Variants in PRDM16 observed in about 807,000 individuals in gnomAD.
PRDM16 encodes PR/SET domain 16.
In PRDM16, 23 loss-of-function variants were observed where a neutral mutation model predicts 110.6. That is an observed-to-expected ratio of 0.21 (90% CI 0.15 to 0.29). PRDM16 has a LOEUF of 0.29. Among genes scored for constraint, PRDM16 ranks in the 10% least tolerant of loss-of-function variants. The pLI, the probability that PRDM16 is intolerant of heterozygous loss-of-function variation, is 1.00. For synonymous variants in PRDM16, 799 were observed against 781.8 expected (o/e 1.02, Z -0.37); for missense variants, 1,615 against 1,794.3 (o/e 0.90, Z 1.81).
At chr1:3,216,931 G>A (rs550003577) in intron 2 of PRDM16, among the ~76,000 whole-genome samples, 27 of 152,324 alleles carry the variant, frequency 1.8e-4, no homozygotes, top group Non-Finnish European at 2.2e-4. Context: ...GGCCACCACT[G>A]TCTCTGACAG....
chr1:3,091,106 G>T (rs1570234823), intron 1 of PRDM16, among the ~76,000 whole-genome samples: 1 of 152,344 alleles, frequency 6.6e-6, no homozygotes, highest in East Asian at 1.9e-4. Context: ...AAGGCGCCAT[G>T]AAGAGACACA....
chr1:3,171,935 G>A (rs1012090228), intron 1 of PRDM16, among the ~76,000 whole-genome samples: 1 of 152,122 alleles, frequency 6.6e-6, no homozygotes, highest in Non-Finnish European at 1.5e-5. Context: ...CAAGCCCCCC[G>A]GCCTCCGCGC....
Position 3,438,002 on chromosome 1 carries a change from ATT to A in PRDM16, c.*4192_*4193del. 1 of 218,004 alleles carries A rather than the reference ATT, an allele frequency of 4.6e-6. No individual in the cohort carries two copies. The highest frequency in any genetic ancestry group is 9.2e-6 in the Non-Finnish European group (1 of 108,376). The allele number at this position is 218,004 out of a possible 1,614,324, so 13.5% of individuals were successfully genotyped here. A position where few individuals can be genotyped will look rare whatever the true frequency, so the allele number is the denominator to read the frequency against. ...CCTGTGCCGCCCGCCACCTTCTGCCATTGTTACATTACAGATTTGGTTTAGTT... is the reference window on the plus strand; with the variant it reads ...CCTGTGCCGCCCGCCACCTTCTGCCAGTTACATTACAGATTTGGTTTAGTT... On this transcript the variant is annotated 3_prime_UTR_variant, in exon 17 of 17. Coordinates refer to ENST00000270722, the MANE Select transcript of PRDM16 (RefSeq NM_022114.4).
At chr1:3,211,645 TG>T (rs1184570439) in intron 2 of PRDM16, among the ~76,000 whole-genome samples, 3 of 152,186 alleles carry the variant, frequency 2.0e-5, no homozygotes, top group African/African-American at 4.8e-5. Context: ...GCCGCAGCAG[TG>T]GGGGCCGGCG....
intron 3 of PRDM16, among the ~76,000 whole-genome samples, chr1:3,361,120 T>C (rs1323866087): frequency 6.6e-6 from 1 of 152,188 alleles, no homozygotes; most frequent in Non-Finnish European, 1.5e-5. Flanking sequence ...GCAGCATTCC[T>C]CGCCTCACAT....
Position 3,392,808 on chromosome 1 carries a change from C to T in PRDM16, c.574-3683C>T, listed in dbSNP as rs187029568. ...ACTCTAGGCTCTTCTCGGGCAATTTCTCTGCCTTCTGTTGAGAACGTGGCC... is the reference window on the plus strand; with the variant it reads ...ACTCTAGGCTCTTCTCGGGCAATTTTTCTGCCTTCTGTTGAGAACGTGGCC... On this transcript the variant is annotated intron_variant, in intron 4 of 16. Transcript: ENST00000270722. Among the ~76,000 whole-genome samples the T allele has an allele frequency of 3.7e-3, 564 of 152,330 alleles. 5 individuals are homozygous for T. The highest frequency in any genetic ancestry group is 0.013 in the African/African-American group (530 of 41,566).
intron 1 of PRDM16, among the ~76,000 whole-genome samples, chr1:3,113,732 G>A (rs889650830): frequency 2.6e-5 from 4 of 152,334 alleles, no homozygotes; most frequent in South Asian, 2.1e-4. Context: ...AGACATGGCC[G>A]CGTGCCCCAG....
At chr1:3,090,603 G>A (rs1268864194) in intron 1 of PRDM16, among the ~76,000 whole-genome samples, 1 of 152,200 alleles carries the variant, frequency 6.6e-6, no homozygotes, top group Non-Finnish European at 1.5e-5. Flanking sequence ...GGGTGCCCAC[G>A]CCCGAGGGCT....
Position 3,433,930 on chromosome 1 carries a change from A to C in PRDM16, c.*119A>C. 1.0e-6 allele frequency: 1 copy of C among 1,001,070 alleles called. No individual in the cohort carries two copies. The highest frequency in any genetic ancestry group is 1.4e-6 in the Non-Finnish European group (1 of 691,778). The allele number at this position is 1,001,070 out of a possible 1,614,324, so 62.0% of individuals were successfully genotyped here. A position where few individuals can be genotyped will look rare whatever the true frequency, so the allele number is the denominator to read the frequency against. ...GTGGCCACTCCTCAGCATCCTCCCCACCCACCATGGTTCATTCCGACTTTT... is the reference window on the plus strand; with the variant it reads ...GTGGCCACTCCTCAGCATCCTCCCCCCCCACCATGGTTCATTCCGACTTTT... On this transcript the variant is annotated 3_prime_UTR_variant, in exon 17 of 17. Coordinates refer to ENST00000270722, the MANE Select transcript of PRDM16 (RefSeq NM_022114.4).
intron 3 of PRDM16, among the ~76,000 whole-genome samples, chr1:3,346,271 A>T (rs1250429217): frequency 1.3e-5 from 2 of 152,038 alleles, no homozygotes; most frequent in African/African-American, 4.8e-5. Context: ...CTTCCCCAGG[A>T]CGTCTTGGAG....
In PRDM16 at chr1:3,405,866, G is replaced by A. The variant is rs77862416; in HGVS notation, c.1186+218G>A. Among the ~76,000 whole-genome samples the A allele has an allele frequency of 0.04, 6,032 of 152,270 alleles. 154 individuals carry two copies. Among genetic ancestry groups the A allele is most frequent in the Middle Eastern group, 0.088 (26 of 294 alleles). ...CCTCACTGCTCCCCTTCCCCATCCC[G>A]TCCTCCTCCACGGCTCCCCTTGCTT... On this transcript the variant is annotated intron_variant, in intron 8 of 16. Transcript: ENST00000270722.
At chr1:3,100,868 G>A (rs898714435) in intron 1 of PRDM16, among the ~76,000 whole-genome samples, 1 of 152,160 alleles carries the variant, frequency 6.6e-6, no homozygotes, top group Non-Finnish European at 1.5e-5. Flanking sequence ...GGTGCCACAA[G>A]TACCCACGAC....
intron 1 of PRDM16, among the ~76,000 whole-genome samples, chr1:3,145,940 C>T (rs942352711): frequency 9.8e-5 from 15 of 152,328 alleles, no homozygotes; most frequent in African/African-American, 1.4e-4. Context: ...CGGCGCCCCC[C>T]GGGTCACAGA....
At chr1:3,198,522 G>C (rs1006270995) in intron 2 of PRDM16, among the ~76,000 whole-genome samples, 1 of 152,264 alleles carries the variant, frequency 6.6e-6, no homozygotes, top group African/African-American at 2.4e-5. Context: ...AGTGCTTGGC[G>C]TGGCACTGGG....
intron 3 of PRDM16, among the ~76,000 whole-genome samples, chr1:3,248,143 G>A (rs918748368): frequency 6.6e-6 from 1 of 152,246 alleles, no homozygotes; most frequent in Non-Finnish European, 1.5e-5. Flanking sequence ...CAATAGGATA[G>A]ACATTTGGCA....
intron 3 of PRDM16, among the ~76,000 whole-genome samples, chr1:3,258,244 C>T (rs931489554): frequency 4.6e-5 from 7 of 152,168 alleles, no homozygotes; most frequent in African/African-American, 1.7e-4. Context: ...TCTGAGGAGT[C>T]CCTTCTCAGG....
rs536604966 is a variant in PRDM16, at chr1:3,217,669, C to T, written c.388-26418C>T. Among the ~76,000 whole-genome samples the T allele has an allele frequency of 7.9e-5, 12 of 152,304 alleles. No homozygotes were observed. In the South Asian group the frequency reaches 2.5e-3, roughly 32 times the overall value. The stretch of plus-strand genomic sequence containing the variant: ...TGTCCAGAAGCAGCGTTTTCACTCA[C>T]GGCCCTGCTCTTCCTGGGGCCAGGT... On this transcript the variant is annotated intron_variant, in intron 2 of 16. Coordinates refer to ENST00000270722, the MANE Select transcript of PRDM16 (RefSeq NM_022114.4).
intron 3 of PRDM16, among the ~76,000 whole-genome samples, chr1:3,274,850 G>A (rs952849950): frequency 2.0e-5 from 3 of 152,222 alleles, no homozygotes; most frequent in African/African-American, 7.2e-5. Flanking sequence ...GGCATGAGGA[G>A]GCATGTTAGG....
rs138324026 is a variant in PRDM16 at position 3,377,563 on chromosome 1, G to C, written c.439-7589G>C. Among the ~76,000 whole-genome samples, 6 of 152,320 alleles carry C rather than the reference G, an allele frequency of 3.9e-5. No homozygotes were observed. The East Asian group carries it at 9.7e-4, about 25-fold the overall frequency. On this transcript the variant is annotated intron_variant, in intron 3 of 16. Transcript: ENST00000270722. ...GATTTATGAGCTGGGGGAGCTGCCC[G>C]GCGCCGGGGAGTGGGAGACAGTGGA...
Sources: gnomAD v4.1 joint callset for allele counts (sites outside exome capture counted in the v4.1 genomes callset) on GRCh38, gnomAD v4.1.1 for gene constraint, MANE v1.5 for transcripts, NCBI Gene and HGNC (gene_info 2026-07-23, HGNC 2026-07-21) for gene names.